The following CSF1 variants were observed in gnomAD, a reference collection of about 807,000 sequenced individuals.
CSF1 encodes colony stimulating factor 1.
CSF1 carries 9 observed loss-of-function variants against 48.9 expected under a neutral mutation model. The ratio of observed to expected loss-of-function variants is 0.18; its 90% CI spans 0.11 to 0.32. The LOEUF (loss-of-function observed/expected upper bound fraction) is 0.32, where lower values mean the gene tolerates loss of function less well. CSF1 is among the 10% of genes least tolerant of loss of function. The pLI is 1.00. For synonymous variants in CSF1, 305 were observed against 284.1 expected (o/e 1.07, Z -0.74); for missense variants, 672 against 697.9 (o/e 0.96, Z 0.42).
intron 8 of CSF1, among the ~76,000 whole-genome samples, chr1:109,928,438 C>A (rs1485920697): frequency 6.6e-6 from 1 of 152,212 alleles, no homozygotes; most frequent in African/African-American, 2.4e-5. Flanking sequence ...CTAGTGTTAG[C>A]AGGAATCACC....
At chr1:109,915,397 A>T (rs1179719116) in intron 2 of CSF1, among the ~76,000 whole-genome samples, 1 of 152,110 alleles carries the variant, frequency 6.6e-6, no homozygotes, top group Admixed American at 6.5e-5. Context: ...CATTTGTCAG[A>T]TTTCGTGGGG....
At position 109,930,649 on chromosome 1, in the gene CSF1, G is replaced by A. The variant is rs1648031869; in HGVS notation, c.*1811G>A. The stretch of plus-strand genomic sequence containing the variant: ...GCTAGAAAACACATATTTTTAAATG[G>A]AAGAAAAATAAAAAGGCATTCCCCC... On this transcript the variant is annotated 3_prime_UTR_variant, in exon 9 of 9. Transcript: ENST00000329608. 1 of 152,150 alleles carries A rather than the reference G, an allele frequency of 6.6e-6. No homozygotes were observed. Among genetic ancestry groups the A allele is most frequent in the Admixed American group, 6.5e-5 (1 of 15,280 alleles). The allele number at this position is 152,150 out of a possible 1,614,324, so 9.4% of individuals were successfully genotyped here.
chr1:109,924,358 C>T (rs1366495350), intron 6 of CSF1, among the ~76,000 whole-genome samples, 168 bp downstream of exon 6: 8 of 151,982 alleles, frequency 5.3e-5, no homozygotes, highest in Non-Finnish European at 7.4e-5. Context: ...AGGATTACTT[C>T]GAGAATTGGG....
At position 109,923,840 on chromosome 1, in the gene CSF1, T is replaced by G; in HGVS notation, c.1219T>G (p.Ser407Ala). 1.2e-6 allele frequency: 2 copies of G among 1,613,774 alleles called. No individual in the cohort carries two copies. Among genetic ancestry groups the G allele is most frequent in the Non-Finnish European group, 8.5e-7 (1 of 1,179,838 alleles). Residue 407 changes from serine to alanine, a missense_variant, in exon 6 of 9, where the codon TCA becomes GCA. Ser to Ala is a moderately conservative substitution (Grantham distance 99). This residue lies in a region of CSF1 where 591 missense variants were observed against 593.6 expected (regional missense o/e 1.00). Coordinates refer to ENST00000329608, the MANE Select transcript of CSF1 (RefSeq NM_000757.6). ...GGAGCCAGGCTCTCCCAGGATCTCA[T>G]CACTGCGCCCCCAGGGCCTCAGCAA... ...PPEPGSPRIS[S>A]LRPQGLSNPS... is the part of the protein sequence containing the mutation.
chr1:109,915,450 C>T (rs141770085), intron 2 of CSF1, among the ~76,000 whole-genome samples, 184 bp from the exon 3 acceptor site: 186 of 152,306 alleles, frequency 1.2e-3, no homozygotes, highest in African/African-American at 3.9e-3. Context: ...CTACAGCCTT[C>T]CCCTGGGCAT....
chr1:109,917,230 C>T, intron 3 of CSF1, 63 bp from the exon 4 acceptor site: 1 of 1,559,732 alleles, frequency 6.4e-7, no homozygotes, highest in East Asian at 2.3e-5. Flanking sequence ...CTCCATCTGC[C>T]TGGGGTTGGG....
intron 8 of CSF1, among the ~76,000 whole-genome samples, chr1:109,928,387 A>G (rs1448147225): frequency 6.6e-6 from 1 of 152,156 alleles, no homozygotes; most frequent in Non-Finnish European, 1.5e-5. Context: ...CTTGAACATC[A>G]TATGTGATGC....
rs201377788 is a variant in CSF1, at chr1:109,921,931, G to A, written c.481G>A (p.Asp161Asn). The change falls in exon 5 of 9, where the codon GAC (aspartate) becomes AAC (asparagine). Residue 161 changes from aspartate (D) to asparagine (N), a missense_variant. Coordinates refer to ENST00000329608, the MANE Select transcript of CSF1 (RefSeq NM_000757.6). ...CTTTAATGAAACAAAGAATCTCCTT[G>A]ACAAGGACTGGAATATTTTCAGCAA... Reference protein sequence around the residue: ...NVFNETKNLLDKDWNIFSKNC... With the variant: ...NVFNETKNLLNKDWNIFSKNC... 6 of 1,612,002 alleles carry A rather than the reference G, an allele frequency of 3.7e-6. No individual in the cohort carries two copies. In the East Asian group the frequency reaches 1.3e-4, roughly 36 times the overall value.
intron 3 of CSF1, among the ~76,000 whole-genome samples, chr1:109,916,507 T>C (rs1570790255): frequency 1.3e-5 from 2 of 152,166 alleles, no homozygotes; most frequent in South Asian, 4.1e-4. Flanking sequence ...TCTTCCTGCC[T>C]CCCATCTTTG....
At chr1:109,925,607 G>A (rs1262233420) in intron 8 of CSF1, among the ~76,000 whole-genome samples, 3 of 152,122 alleles carry the variant, frequency 2.0e-5, no homozygotes, top group Non-Finnish European at 2.9e-5. Context: ...AAGCCCCTTC[G>A]ACAGCAGCTG....
intron 1 of CSF1, among the ~76,000 whole-genome samples, chr1:109,912,248 C>A (rs1002448944): frequency 6.6e-6 from 1 of 152,036 alleles, no homozygotes; most frequent in Non-Finnish European, 1.5e-5. Context: ...TCCAAGGGCC[C>A]GGTTCTGCCA....
At position 109,924,041 on chromosome 1, in the gene CSF1, G is replaced by A. The variant is rs548942397; in HGVS notation, c.1420G>A (p.Val474Ile). The A allele has an allele frequency of 4.0e-5, 64 of 1,614,216 alleles. No homozygotes were observed. Among genetic ancestry groups the A allele is most frequent in the South Asian group, 3.3e-4 (30 of 91,088 alleles). ...AARPLPRFNSVPLTDTGHERQ... is the reference protein window; with the variant it reads ...AARPLPRFNSIPLTDTGHERQ... ...CAGGCCCCTGCCCCGTTTTAACTCC[G>A]TTCCTTTGACTGACACAGGCCATGA... The change falls in exon 6 of 9, where the codon GTT (valine) becomes ATT (isoleucine). Residue 474 changes from valine (V) to isoleucine (I), a missense_variant. Around this residue, in one of 3 missense-constraint regions of CSF1, gnomAD observed 591 missense variants for 593.6 expected, o/e 1.00. Transcript: ENST00000329608.
intron 7 of CSF1, 30 bp downstream of exon 7, chr1:109,924,858 C>A: frequency 6.3e-7 from 1 of 1,596,718 alleles, no homozygotes; most frequent in East Asian, 2.3e-5. Flanking sequence ...CTCTGGGAGG[C>A]ACTGGGGGCC....
intron 2 of CSF1, 124 bp from the exon 3 acceptor site, chr1:109,915,510 G>A: frequency 1.3e-6 from 1 of 764,182 alleles, no homozygotes; most frequent in East Asian, 2.6e-5. Flanking sequence ...TTCCACGTGT[G>A]GTTGGCAGGG....
Position 109,911,010 on chromosome 1 carries a change from AC to A in CSF1, c.-11del. On this transcript the variant is annotated 5_prime_UTR_variant, in exon 1 of 9. Coordinates refer to ENST00000329608, the MANE Select transcript of CSF1 (RefSeq NM_000757.6). ...AGGGCGGCCGACGCGCCCGGCCGGG[AC>A]CCAGCTGCCCGTATGACCGCGCCGG... The A allele has an allele frequency of 8.5e-7, 1 of 1,172,366 alleles. No individual in the cohort carries two copies. Among genetic ancestry groups the A allele is most frequent in the Non-Finnish European group, 1.1e-6 (1 of 951,282 alleles). 72.6% of individuals were successfully genotyped at this position (1,172,366 alleles called of 1,614,324 possible).
chr1:109,916,672 G>C (rs1358651133), intron 3 of CSF1, among the ~76,000 whole-genome samples: 1 of 152,180 alleles, frequency 6.6e-6, no homozygotes, highest in Non-Finnish European at 1.5e-5. Context: ...ATGCACCTCT[G>C]TTAGGACTAG....
At position 109,915,512 on chromosome 1, in the gene CSF1, T is replaced by G. The variant is rs1654861378; in HGVS notation, c.163-122T>G. 3 of 776,868 alleles carry G rather than the reference T, an allele frequency of 3.9e-6. No homozygotes were observed. In the Admixed American group the frequency reaches 5.7e-5, roughly 15 times the overall value. The allele number at this position is 776,868 out of a possible 1,614,324, so 48.1% of individuals were successfully genotyped here. A position where few individuals can be genotyped will look rare whatever the true frequency, so the allele number is the denominator to read the frequency against. On this transcript the variant is annotated intron_variant, in intron 2 of 8. Transcript: ENST00000329608. ...CTTGACTCTGTCTTTCCACGTGTGG[T>G]TGGCAGGGATGAAGTTCAAACCCCA...
chr1:109,925,481 G>A (rs1415355444), intron 8 of CSF1, among the ~76,000 whole-genome samples: 2 of 152,098 alleles, frequency 1.3e-5, no homozygotes, highest in East Asian at 3.9e-4. Context: ...TGACCTCAGA[G>A]CAACTAAACC....
intron 6 of CSF1, 107 bp from the exon 7 acceptor site, chr1:109,924,669 C>T (rs1647754814): frequency 2.0e-6 from 2 of 1,002,184 alleles, no homozygotes; most frequent in Non-Finnish European, 3.0e-6. Context: ...GTTGGGAGGA[C>T]TCTTGCAACT....
Sources: gnomAD v4.1 joint callset for allele counts (sites outside exome capture counted in the v4.1 genomes callset) on GRCh38, gnomAD v4.1.1 for gene constraint, gnomAD v4.1.1 regional missense constraint, MANE v1.5 for transcripts, NCBI Gene and HGNC (gene_info 2026-07-23, HGNC 2026-07-21) for gene names.